Variants in UBE3D observed in about 807,000 individuals in gnomAD.
UBE3D encodes the protein ubiquitin protein ligase E3D.
In UBE3D, 48 loss-of-function variants were observed where a neutral mutation model predicts 49.6. The ratio of observed to expected loss-of-function variants is 0.97; its 90% CI spans 0.77 to 1.23. The LOEUF is 1.23. Among genes scored for constraint, UBE3D ranks in the 50% most tolerant of loss-of-function variants. The pLI is 0.00. For synonymous variants in UBE3D, 189 were observed against 174.2 expected, an observed-to-expected ratio of 1.08 and a Z score of -0.67; for missense variants, 452 against 468.4, an observed-to-expected ratio of 0.96 and a Z score of 0.32.
At chr6:83,033,626 C>T (rs998332222) in intron 5 of UBE3D, among the ~76,000 whole-genome samples, 2 of 152,138 alleles carry the variant, frequency 1.3e-5, no homozygotes, top group Non-Finnish European at 1.5e-5. Context: ...CTACTGCTTC[C>T]ACTATGTGAG....
intron 8 of UBE3D, among the ~76,000 whole-genome samples, chr6:82,965,450 G>A (rs1405284974): frequency 6.6e-6 from 1 of 151,932 alleles, no homozygotes; most frequent in Non-Finnish European, 1.5e-5. Context: ...AGGTGTGGTG[G>A]CGCATGCCTG....
intron 3 of UBE3D, among the ~76,000 whole-genome samples, chr6:83,051,164 A>G (rs1304310066): frequency 6.6e-6 from 1 of 152,210 alleles, no homozygotes; most frequent in Admixed American, 6.5e-5. Context: ...TCTCTTGACA[A>G]GTTTGGAAAA....
intron 1 of UBE3D, chr6:83,063,090 T>C (rs1179916143): frequency 4.8e-6 from 1 of 209,856 alleles, no homozygotes; most frequent in African/African-American, 2.4e-5. Flanking sequence ...TTCATTAAAA[T>C]TAAAATTTCT....
downstream of UBE3D, among the ~76,000 whole-genome samples, chr6:82,889,292 A>G (rs867356977): frequency 6.6e-6 from 1 of 152,240 alleles, no homozygotes; most frequent in South Asian, 2.1e-4. Flanking sequence ...TTTATCATGC[A>G]AAAGGAAAAC....
At chr6:82,955,460 C>T (rs293530) in intron 9 of UBE3D, among the ~76,000 whole-genome samples, 131,923 of 152,092 alleles carry the variant, frequency 0.87, 57,321 homozygotes, top group East Asian at 0.94. Context: ...AAATATAAAA[C>T]TATTGTTTTT....
intron 8 of UBE3D, among the ~76,000 whole-genome samples, chr6:83,004,870 A>T (rs926420137): frequency 2.0e-5 from 3 of 152,222 alleles, no homozygotes; most frequent in African/African-American, 7.2e-5. Context: ...AATTTATTTC[A>T]GGCAATGACA....
At chr6:82,896,400 T>A (rs989029743) in intron 9 of UBE3D, among the ~76,000 whole-genome samples, 1 of 140,872 alleles carries the variant, frequency 7.1e-6, no homozygotes, top group African/African-American at 3.0e-5. Flanking sequence ...TTACAACGTA[T>A]AAATAATTAT....
chr6:82,905,966 G>A (rs1772072138), intron 9 of UBE3D, among the ~76,000 whole-genome samples: 1 of 152,068 alleles, frequency 6.6e-6, no homozygotes. Context: ...GACCTCTTCT[G>A]AAGCAAATCC....
intron 7 of UBE3D, among the ~76,000 whole-genome samples, chr6:83,019,738 A>T (rs1780952905): frequency 6.6e-6 from 1 of 152,148 alleles, no homozygotes; most frequent in African/African-American, 2.4e-5. Context: ...AAGGATATAG[A>T]ATCATCTGGA....
chr6:83,016,874 G>C (rs373449392), intron 8 of UBE3D, among the ~76,000 whole-genome samples: 1 of 152,082 alleles, frequency 6.6e-6, no homozygotes, highest in African/African-American at 2.4e-5. Context: ...GAAAGATGTA[G>C]GCTGGGAGGC....
intron 4 of UBE3D, among the ~76,000 whole-genome samples, chr6:83,042,161 A>G (rs1046598137): frequency 2.0e-5 from 3 of 151,984 alleles, no homozygotes; most frequent in African/African-American, 7.3e-5. Context: ...ACCCGCCTCA[A>G]CCTCCCAAAG....
intron 9 of UBE3D, among the ~76,000 whole-genome samples, chr6:82,917,642 A>G (rs766558883): frequency 6.6e-6 from 1 of 152,236 alleles, no homozygotes; most frequent in Non-Finnish European, 1.5e-5. Flanking sequence ...GTACCTCTGT[A>G]ACAAATGACA....
intron 9 of UBE3D, among the ~76,000 whole-genome samples, chr6:82,917,435 T>C (rs963572834): frequency 3.3e-5 from 5 of 152,136 alleles, no homozygotes; most frequent in Non-Finnish European, 7.3e-5. Context: ...TCCCTTAAGA[T>C]GCCCAGTAAT....
At position 82,901,907 on chromosome 6, in the gene UBE3D, C is replaced by T. The variant is rs766080565; in HGVS notation, c.1150-8865G>A. 1.2e-4 allele frequency among the ~76,000 whole-genome samples: 19 copies of T among 152,258 alleles called. No individual in the cohort carries two copies. The Middle Eastern group carries it at 0.01, about 82-fold the overall frequency. ...ACTGAAGGGGCTAATATCTCAAATT[C>T]AAATTGACGTATCATAGAAAGCTAG... On this transcript the variant is annotated intron_variant, in intron 9 of 9. Coordinates refer to ENST00000369747, the MANE Select transcript of UBE3D (RefSeq NM_198920.3).
At chr6:82,918,913 A>G (rs1773118002) in intron 9 of UBE3D, among the ~76,000 whole-genome samples, 1 of 152,032 alleles carries the variant, frequency 6.6e-6, no homozygotes, top group Admixed American at 6.6e-5. Context: ...TTGGTCAGGG[A>G]GATGGATTTG....
intron 9 of UBE3D, among the ~76,000 whole-genome samples, chr6:82,897,420 C>T (rs979993568): frequency 6.6e-6 from 1 of 151,808 alleles, no homozygotes; most frequent in Non-Finnish European, 1.5e-5. Context: ...GTAAAATCCC[C>T]TCTCTACTAA....
At chr6:82,883,958 A>G in the UBE3D span, among the ~76,000 whole-genome samples, 6 of 152,282 alleles carry the variant, frequency 3.9e-5, no homozygotes, top group South Asian at 4.1e-4. Context: ...CTTCTGGGAG[A>G]ACCTCATTTT....
intron 8 of UBE3D, among the ~76,000 whole-genome samples, chr6:83,003,690 C>G (rs896300885): frequency 1.3e-5 from 2 of 152,150 alleles, no homozygotes; most frequent in Non-Finnish European, 2.9e-5. Flanking sequence ...GCAATGGTAA[C>G]ACAATGGTAA....
intron 3 of UBE3D, among the ~76,000 whole-genome samples, chr6:83,052,501 G>A (rs566649286): frequency 2.0e-5 from 3 of 152,298 alleles, no homozygotes; most frequent in African/African-American, 7.2e-5. Flanking sequence ...AGGAGCCAAC[G>A]AGGGGGAGAC....
Sources: gnomAD v4.1 joint callset for allele counts (sites outside exome capture counted in the v4.1 genomes callset) on GRCh38, gnomAD v4.1.1 for gene constraint, MANE v1.5 for transcripts, NCBI Gene and HGNC (gene_info 2026-07-23, HGNC 2026-07-21) for gene names.